Variants in HIPK3 observed in about 807,000 individuals in gnomAD.
The protein encoded by HIPK3 is homeodomain interacting protein kinase 3, also known as homeodomain-interacting protein kinase 3.
In HIPK3, 47 loss-of-function variants were observed where a neutral mutation model predicts 124.2. The ratio of observed to expected loss-of-function variants is 0.38; its 90% CI spans 0.30 to 0.48. The LOEUF is 0.48. Among genes scored for constraint, HIPK3 ranks in the 20% least tolerant of loss-of-function variants. The probability of loss-of-function intolerance (pLI) is 0.98; values close to 1 mark genes in which losing one functional copy is unlikely to be tolerated. For missense variants in HIPK3, 1,286 were observed against 1,454.3 expected, an observed-to-expected ratio of 0.88 and a Z score of 1.88; for synonymous variants, 482 against 515.2, an observed-to-expected ratio of 0.94 and a Z score of 0.87.
At chr11:33,275,709 T>C (rs1851253156) in intron 1 of HIPK3, among the ~76,000 whole-genome samples, 1 of 152,244 alleles carries the variant, frequency 6.6e-6, no homozygotes, top group Non-Finnish European at 1.5e-5. Flanking sequence ...TTGTCAGAAT[T>C]TATTGGATCA....
rs1389623162 is a variant in HIPK3, at chr11:33,347,857, T to C, written c.2150T>C (p.Met717Thr). 6.2e-7 allele frequency: 1 copy of C among 1,614,194 alleles called. No homozygotes were observed. The highest frequency in any genetic ancestry group is 2.2e-5 in the East Asian group (1 of 44,876). The part of the protein sequence containing the change: ...GSHRLGDWGK[M>T]ISCSNHYNSV... ...TGTTCTGAACTTCTCCCTAGGAAGA[T>C]GATTTCATGCAGCAATCATTATAAC... Residue 717 changes from methionine to threonine, a missense_variant, in exon 11 of 17, where the codon ATG becomes ACG. Met to Thr is a moderately conservative substitution (Grantham distance 81, BLOSUM62 -1). Around this residue, in one of 3 missense-constraint regions of HIPK3, gnomAD observed 810 missense variants for 864.9 expected, o/e 0.94. Transcript: ENST00000303296.
chr11:33,271,464 G>A (rs1249513763), intron 1 of HIPK3, among the ~76,000 whole-genome samples: 1 of 152,190 alleles, frequency 6.6e-6, no homozygotes, highest in Admixed American at 6.5e-5. Context: ...TACCAGGGAG[G>A]TTGAAGTGAA....
intron 14 of HIPK3, among the ~76,000 whole-genome samples, chr11:33,351,040 A>G (rs1853643037): frequency 6.6e-6 from 1 of 152,172 alleles, no homozygotes. Flanking sequence ...TGCTGTAGAA[A>G]TCCCAAGGAG....
At chr11:33,286,057 C>G (rs1590357917) in intron 1 of HIPK3, among the ~76,000 whole-genome samples, 1 of 152,014 alleles carries the variant, frequency 6.6e-6, no homozygotes, top group Admixed American at 6.6e-5. Context: ...TTACAGGGAT[C>G]TATACTTTTC....
intron 1 of HIPK3, among the ~76,000 whole-genome samples, chr11:33,268,483 C>T (rs1156894468): frequency 1.4e-5 from 2 of 148,086 alleles, no homozygotes; most frequent in African/African-American, 2.5e-5. Flanking sequence ...CCTAGCCACT[C>T]GGGAGACTGA....
At chr11:33,351,043 C>A (rs1476449535) in intron 14 of HIPK3, among the ~76,000 whole-genome samples, 4 of 151,626 alleles carry the variant, frequency 2.6e-5, no homozygotes, top group Non-Finnish European at 5.9e-5. Context: ...TGTAGAAATC[C>A]CAAGGAGAGA....
rs266487 is a variant in HIPK3, at chr11:33,331,822, G to A, written c.1221+3189G>A. On this transcript the variant is annotated intron_variant, in intron 3 of 16. Coordinates refer to ENST00000303296, the MANE Select transcript of HIPK3 (RefSeq NM_005734.5). ...CTTTATATTAACTCATTTAATGCTC[G>A]TAACAACCCTATGAAGTACACACTA... Among the ~76,000 whole-genome samples, 590 of 152,266 alleles carry A rather than the reference G, an allele frequency of 3.9e-3. 1 individual carries two copies. The highest frequency in any genetic ancestry group is 0.013 in the African/African-American group (551 of 41,562).
chr11:33,297,160 C>G (rs1851864544), intron 2 of HIPK3, among the ~76,000 whole-genome samples: 1 of 145,400 alleles, frequency 6.9e-6, no homozygotes, highest in African/African-American at 2.5e-5. Flanking sequence ...GTGGCACAAT[C>G]TTGGCTCACT....
intron 3 of HIPK3, 24 bp downstream of exon 3, chr11:33,328,657 A>G: frequency 1.2e-6 from 2 of 1,607,808 alleles, no homozygotes; most frequent in Non-Finnish European, 1.7e-6. Flanking sequence ...ATAATCTAAT[A>G]GAATTGGTAA....
chr11:33,308,443 T>TA (rs765707752), intron 2 of HIPK3, among the ~76,000 whole-genome samples: 18 of 152,256 alleles, frequency 1.2e-4, no homozygotes, highest in Non-Finnish European at 2.1e-4. Flanking sequence ...TTTTGAGAGT[T>TA]ACTTTCTGTC....
chr11:33,257,702 G>A lies in HIPK3; in HGVS notation c.-190G>A. The A allele has an allele frequency of 2.0e-6, 2 of 991,032 alleles. No homozygotes were observed. Among genetic ancestry groups the A allele is most frequent in the Non-Finnish European group, 2.4e-6 (2 of 833,864 alleles). The allele number at this position is 991,032 out of a possible 1,614,324, so 61.4% of individuals were successfully genotyped here. A position where few individuals can be genotyped will look rare whatever the true frequency, so the allele number is the denominator to read the frequency against. ...GCAGCAGCAGCGGTCGGGGGAGGGT[G>A]TTTCGCCGTTTCCTCTCAGCCGCCA... On this transcript the variant is annotated 5_prime_UTR_variant, in exon 1 of 17. Transcript: ENST00000303296.
At chr11:33,348,912 T>C (rs1853578234) in intron 13 of HIPK3, 94 bp downstream of exon 13, 3 of 1,222,266 alleles carry the variant, frequency 2.5e-6, no homozygotes, top group East Asian at 4.9e-5. Flanking sequence ...TGTTTGTCAA[T>C]GTACTCTGGA....
intron 1 of HIPK3, among the ~76,000 whole-genome samples, chr11:33,282,317 C>T (rs995740794): frequency 7.3e-5 from 11 of 151,570 alleles, no homozygotes; most frequent in African/African-American, 9.7e-5. Context: ...CTCAGGAGGT[C>T]GAAGCTGCAG....
chr11:33,299,087 T>TC, intron 2 of HIPK3, among the ~76,000 whole-genome samples: 1 of 151,710 alleles, frequency 6.6e-6, no homozygotes, highest in African/African-American at 2.4e-5. Context: ...CCTCAAGTGA[T>TC]CTACCTGCCT....
intron 1 of HIPK3, among the ~76,000 whole-genome samples, chr11:33,260,347 T>C (rs926247216): frequency 3.9e-5 from 6 of 152,334 alleles, no homozygotes; most frequent in South Asian, 2.1e-4. Flanking sequence ...ATTGAACTTT[T>C]GTTTTTAATA....
At chr11:33,294,936 T>C (rs1241185827) in intron 2 of HIPK3, among the ~76,000 whole-genome samples, 1 of 152,196 alleles carries the variant, frequency 6.6e-6, no homozygotes, top group African/African-American at 2.4e-5. Context: ...ATTAGTGTCC[T>C]CTAATCTGGT....
rs1409863483 is a variant in HIPK3, at chr11:33,355,955, T to G, written c.*2387T>G. On this transcript the variant is annotated 3_prime_UTR_variant, in exon 17 of 17. Transcript: ENST00000303296. ...AGTAAATTTGCTGCCCTCCACAGCC[T>G]TCTAATTTTATTTATATGTTCCAGC... The G allele has an allele frequency of 6.6e-6, 1 of 151,990 alleles. No homozygotes were observed. The highest frequency in any genetic ancestry group is 1.5e-5 in the Non-Finnish European group (1 of 67,880). The allele number at this position is 151,990 out of a possible 1,614,324, so 9.4% of individuals were successfully genotyped here.
intron 1 of HIPK3, among the ~76,000 whole-genome samples, chr11:33,267,078 A>G (rs962471786): frequency 1.3e-5 from 2 of 151,738 alleles, no homozygotes; most frequent in East Asian, 1.9e-4. Flanking sequence ...CCTCATTCCT[A>G]TGCCAACCTG....
intron 2 of HIPK3, among the ~76,000 whole-genome samples, chr11:33,307,436 T>G (rs949542167): frequency 4.0e-5 from 6 of 149,854 alleles, no homozygotes; most frequent in Non-Finnish European, 5.9e-5. Flanking sequence ...TCTTGCTCTG[T>G]CGCCCAGGCT....
Sources: allele counts gnomAD v4.1 joint callset (sites outside exome capture counted in the v4.1 genomes callset), GRCh38; gene constraint gnomAD v4.1.1; regional missense constraint gnomAD v4.1.1; transcripts MANE v1.5; gene names NCBI Gene and HGNC (gene_info 2026-07-23, HGNC 2026-07-21).